The following SDK1 variants were observed in gnomAD, a reference collection of about 807,000 sequenced individuals.
The protein encoded by SDK1 is sidekick cell adhesion molecule 1, also known as protein sidekick-1.
In SDK1, 157 loss-of-function variants were observed where a neutral mutation model predicts 245.5. The ratio of observed to expected loss-of-function variants is 0.64; its 90% confidence interval spans 0.56 to 0.73. The LOEUF (loss-of-function observed/expected upper bound fraction) is 0.73. Ranked by LOEUF, SDK1 falls within the 30% of genes least tolerant of loss-of-function variation. The pLI is 0.00. For synonymous variants in SDK1, 1,647 were observed against 1,278.5 expected, an observed-to-expected ratio of 1.29 and a Z score of -6.15; for missense variants, 3,583 against 3,002.3, an observed-to-expected ratio of 1.19 and a Z score of -4.52.
chr7:3,999,409 C>T lies in SDK1; in HGVS notation c.2132-11557C>T, dbSNP rs571321165. ...AATCCAAGAATATACGAGGGGGCGT[C>T]GGGTAGTATGTGATCGCTTGCCAGG... On this transcript the variant is annotated intron_variant, in intron 14 of 44. Coordinates refer to ENST00000404826, the MANE Select transcript of SDK1 (RefSeq NM_152744.4). 3.9e-5 allele frequency among the ~76,000 whole-genome samples: 6 copies of T among 152,298 alleles called. No homozygotes were observed. In the East Asian group the frequency reaches 5.8e-4, roughly 15 times the overall value.
At chr7:3,906,622 T>G (rs1434764930) in intron 5 of SDK1, among the ~76,000 whole-genome samples, 1 of 69,864 alleles carries the variant, frequency 1.4e-5, no homozygotes, top group African/African-American at 1.2e-4. Context: ...AGTGTCTTTT[T>G]TTTTTTTTTT....
intron 1 of SDK1, among the ~76,000 whole-genome samples, chr7:3,500,912 CT>C (rs924091581): frequency 6.6e-6 from 1 of 151,686 alleles, no homozygotes; most frequent in African/African-American, 2.4e-5. Flanking sequence ...ATTAAGAATT[CT>C]TTTTCTTCTT....
At chr7:3,592,040 A>G (rs1780892175) in intron 1 of SDK1, among the ~76,000 whole-genome samples, 1 of 152,226 alleles carries the variant, frequency 6.6e-6, no homozygotes, top group Non-Finnish European at 1.5e-5. Context: ...TGGAAATTAC[A>G]GTTTTGAAAC....
chr7:3,345,620 G>A (rs1471938528), intron 1 of SDK1, among the ~76,000 whole-genome samples: 1 of 152,126 alleles, frequency 6.6e-6, no homozygotes, highest in African/African-American at 2.4e-5. Flanking sequence ...TAACATATCA[G>A]GGCTTGTAAC....
chr7:4,000,862 C>T (rs973595420), intron 14 of SDK1, among the ~76,000 whole-genome samples: 8 of 152,096 alleles, frequency 5.3e-5, no homozygotes, highest in South Asian at 2.1e-4. Context: ...AGCATTTGTC[C>T]GCATTTTAAT....
At chr7:3,943,328 A>G (rs73674355) in intron 5 of SDK1, among the ~76,000 whole-genome samples, 1 of 31,240 alleles carries the variant, frequency 3.2e-5, no homozygotes, top group African/African-American at 9.4e-5. Flanking sequence ...CACCAGGCTC[A>G]AGGTTCAGCA....
intron 5 of SDK1, among the ~76,000 whole-genome samples, chr7:3,883,482 T>G (rs962519870): frequency 6.6e-6 from 1 of 152,178 alleles, no homozygotes; most frequent in Non-Finnish European, 1.5e-5. Flanking sequence ...CCTTCATTAT[T>G]TGAGGCCCCT....
chr7:4,254,671 G>C (rs74846447), intron 44 of SDK1, among the ~76,000 whole-genome samples: 1 of 150,078 alleles, frequency 6.7e-6, no homozygotes, highest in Non-Finnish European at 1.5e-5. Context: ...TACTTTCCTG[G>C]GTTTTTTTGA....
intron 4 of SDK1, among the ~76,000 whole-genome samples, chr7:3,767,298 T>TA (rs1482502128): frequency 3.3e-5 from 5 of 152,088 alleles, no homozygotes; most frequent in African/African-American, 1.2e-4. Context: ...ACCCAGGGAC[T>TA]AAGGGGAGAA....
intron 1 of SDK1, among the ~76,000 whole-genome samples, chr7:3,355,525 C>A (rs943519804): frequency 6.6e-6 from 1 of 152,142 alleles, no homozygotes; most frequent in African/African-American, 2.4e-5. Flanking sequence ...TGTGGTGTTT[C>A]CAGTTAGATT....
intron 5 of SDK1, among the ~76,000 whole-genome samples, chr7:3,888,388 A>G (rs1375190702): frequency 2.6e-5 from 4 of 152,220 alleles, no homozygotes; most frequent in African/African-American, 9.7e-5. Flanking sequence ...AGAGCAAAGC[A>G]GGACATGAAC....
intron 35 of SDK1, among the ~76,000 whole-genome samples, chr7:4,195,565 C>T (rs982686432): frequency 5.3e-5 from 8 of 152,168 alleles, no homozygotes; most frequent in East Asian, 1.9e-4. Context: ...GCATCTCTGC[C>T]GGGCGCACCC....
At chr7:4,130,484 CT>C (rs926626446) in intron 27 of SDK1, 1 of 206,042 alleles carries the variant, frequency 4.9e-6, no homozygotes, top group Admixed American at 5.3e-5. Context: ...CAGGGAATGC[CT>C]GAAACTGCAG....
chr7:4,240,287 T>G (rs1786436780), intron 42 of SDK1, among the ~76,000 whole-genome samples: 1 of 152,180 alleles, frequency 6.6e-6, no homozygotes, highest in African/African-American at 2.4e-5. Flanking sequence ...AACATCATAA[T>G]TGAAGCCGGG....
intron 1 of SDK1, among the ~76,000 whole-genome samples, chr7:3,416,164 G>A (rs751087635): frequency 1.6e-4 from 24 of 152,110 alleles, no homozygotes; most frequent in Non-Finnish European, 2.9e-4. Flanking sequence ...ATTATGGATC[G>A]TATAAATCTT....
chr7:3,454,534 A>G (rs1780616907), intron 1 of SDK1, among the ~76,000 whole-genome samples: 1 of 152,090 alleles, frequency 6.6e-6, no homozygotes, highest in Non-Finnish European at 1.5e-5. Flanking sequence ...TTGTCCTTTC[A>G]TAACTATCCC....
intron 4 of SDK1, among the ~76,000 whole-genome samples, chr7:3,770,917 C>A (rs141721854): frequency 6.6e-6 from 1 of 152,068 alleles, no homozygotes; most frequent in Non-Finnish European, 1.5e-5. Context: ...TCTTTGTTGC[C>A]ATCTTCCTCC....
chr7:4,193,372 T>TTTTATATATATATA (rs1206363548), intron 35 of SDK1, among the ~76,000 whole-genome samples: 1 of 103,086 alleles, frequency 9.7e-6, no homozygotes, highest in African/African-American at 3.9e-5. Context: ...ATTAAAATAT[T>TTTTATATATATATA]TATATATATA....
chr7:3,736,774 C>T (rs919978848), intron 4 of SDK1, among the ~76,000 whole-genome samples: 5 of 152,094 alleles, frequency 3.3e-5, no homozygotes, highest in Non-Finnish European at 5.9e-5. Flanking sequence ...CACATAGTTA[C>T]CATTCTTGTG....
Sources: gnomAD v4.1 joint callset for allele counts (sites outside exome capture counted in the v4.1 genomes callset) on GRCh38, gnomAD v4.1.1 for gene constraint, MANE v1.5 for transcripts, NCBI Gene and HGNC (gene_info 2026-07-23, HGNC 2026-07-21) for gene names.